SAG: variants seen among roughly 807,000 people sequenced by gnomAD.
SAG encodes the protein S-antigen visual arrestin, also known as S-arrestin.
SAG carries 45 observed loss-of-function variants against 55.0 expected under a neutral mutation model. That is an observed-to-expected ratio of 0.82 (90% CI 0.64 to 1.05). The LOEUF (loss-of-function observed/expected upper bound fraction) is 1.05. Among genes scored for constraint, SAG ranks in the 50% least tolerant of loss-of-function variants. The pLI is 0.00. For synonymous variants in SAG, 189 were observed against 197.4 expected (o/e 0.96, Z 0.36); for missense variants, 455 against 512.1 (o/e 0.89, Z 1.08).
At chr2:233,310,506 CTTTTTTTTTT>C (rs967605903) in intron 2 of SAG, among the ~76,000 whole-genome samples, 4 of 115,434 alleles carry the variant, frequency 3.5e-5, no homozygotes, top group Non-Finnish European at 6.8e-5. Flanking sequence ...ATCATTCTGG[CTTTTTTTTTT>C]TTTTTTTTTT....
chr2:233,337,657 CG>C (rs1252886416), intron 11 of SAG, among the ~76,000 whole-genome samples: 3 of 152,188 alleles, frequency 2.0e-5, no homozygotes, highest in Admixed American at 2.0e-4. Flanking sequence ...CCCGAGCTGA[CG>C]TCTTCTTCCA....
chr2:233,345,685 C>A (rs1701232377), intron 14 of SAG: 1 of 152,246 alleles, frequency 6.6e-6, no homozygotes, highest in African/African-American at 2.4e-5. Flanking sequence ...TGTGCCACTT[C>A]ACTCCAGCCT....
chr2:233,331,681 T>G lies in SAG; in HGVS notation c.775T>G (p.Tyr259Asp), dbSNP rs760598803. 16 of 1,613,832 alleles carry G rather than the reference T, an allele frequency of 9.9e-6. No homozygotes were observed. The South Asian group carries it at 1.8e-4, about 18-fold the overall frequency. ...ANVVLYSSDY[Y>D]VKPVAMEEAQ... Reference sequence around the variant, plus strand: ...TGTGGTTCTCTACTCGAGTGATTATTACGTCAAGCCCGTGGCTATGGAGGA... The same window carrying G: ...TGTGGTTCTCTACTCGAGTGATTATGACGTCAAGCCCGTGGCTATGGAGGA... The change falls in exon 10 of 16, where the codon TAC (tyrosine) becomes GAC (aspartate). Residue 259 changes from tyrosine to aspartate, a missense_variant. Physicochemically the swap from Tyr to Asp is radical, Grantham distance 160 (BLOSUM62 -3). Coordinates refer to ENST00000409110, the MANE Select transcript of SAG (RefSeq NM_000541.5).
chr2:233,323,085 G>A, intron 6 of SAG, 80 bp downstream of exon 6: 4 of 902,038 alleles, frequency 4.4e-6, no homozygotes, highest in Non-Finnish European at 7.1e-6. Context: ...TTGAAACAGG[G>A]TTTTACTCTG....
chr2:233,323,673 T>C (rs1201313162), intron 6 of SAG, among the ~76,000 whole-genome samples: 2 of 152,208 alleles, frequency 1.3e-5, no homozygotes, highest in African/African-American at 4.8e-5. Context: ...CATTAGACTT[T>C]TAAAGATAGC....
chr2:233,316,266 C>T (rs953234970), intron 3 of SAG, 131 bp downstream of exon 3: 15 of 495,634 alleles, frequency 3.0e-5, no homozygotes, highest in South Asian at 2.1e-4. Flanking sequence ...ATCAGTGAGG[C>T]GCCACTGGCT....
Position 233,346,908 on chromosome 2 carries a change from A to T in SAG, c.1214A>T (p.Glu405Val). The change falls in exon 16 of 16, where the codon GAG becomes GTG. Residue 405 changes from glutamate (E) to valine (V), a missense_variant. Glu to Val is a moderately radical substitution (Grantham distance 121, BLOSUM62 -2). Coordinates refer to ENST00000409110, the MANE Select transcript of SAG (RefSeq NM_000541.5). ...AAGAGAGACAAGAATGACGTTGATGAGTGAAGATGTCGGCTCAGGATGCCG... is the reference window on the plus strand; with the variant it reads ...AAGAGAGACAAGAATGACGTTGATGTGTGAAGATGTCGGCTCAGGATGCCG... Reference protein sequence around the residue: ...EGKRDKNDVDE With the variant: ...EGKRDKNDVDV 1 of 1,584,960 alleles carries T rather than the reference A, an allele frequency of 6.3e-7. No homozygotes were observed. Among genetic ancestry groups the T allele is most frequent in the East Asian group, 2.2e-5 (1 of 44,706 alleles).
At chr2:233,343,141 G>A (rs1286747567) in intron 14 of SAG, 3 of 135,780 alleles carry the variant, frequency 2.2e-5, no homozygotes, top group Non-Finnish European at 4.6e-5. Context: ...GGAGTGCAGT[G>A]GCACAACCTC....
In SAG at chr2:233,335,008, C is replaced by T. The variant is rs767748858; in HGVS notation, c.853C>T (p.Leu285=). Residue 285 remains leucine, a synonymous_variant, in exon 11 of 16, where the codon CTG becomes TTG. Transcript: ENST00000409110. ...CACTTTGACCAAGACGCTGACGCTGCTGCCCTTGCTGGCTAACAATCGAGA... is the reference window on the plus strand; with the variant it reads ...CACTTTGACCAAGACGCTGACGCTGTTGCCCTTGCTGGCTAACAATCGAGA... ...NSTLTKTLTL[L]PLLANNRERR... is the part of the protein sequence containing the mutation. 3 of 1,614,036 alleles carry T rather than the reference C, an allele frequency of 1.9e-6. No individual in the cohort carries two copies. The highest frequency in any genetic ancestry group is 3.3e-5 in the Admixed American group (2 of 60,034).
At chr2:233,330,118 C>G (rs963686988) in intron 9 of SAG, among the ~76,000 whole-genome samples, 2 of 152,226 alleles carry the variant, frequency 1.3e-5, no homozygotes, top group Admixed American at 1.3e-4. Flanking sequence ...GTTGTTCCCA[C>G]ACATTAACTA....
chr2:233,320,976 T>A (rs2125328620), intron 5 of SAG, among the ~76,000 whole-genome samples, 153 bp downstream of exon 5: 1 of 152,302 alleles, frequency 6.6e-6, no homozygotes, highest in East Asian at 1.9e-4. Context: ...TGGTCTGTGA[T>A]TGTCTTTTTT....
rs200078242 is a variant in SAG at position 233,309,220 on chromosome 2, G to T, written c.31G>T (p.Glu11Ter). ...AGCCAGCGGGAAGACCAGCAAGTCC[G>T]AACCGAACCATGTTATCTTCAAGAA... MAASGKTSKS[E>*]PNHVIFKKIS... Residue 11 changes from glutamate (E) to a stop codon, truncating the protein, a stop_gained, in exon 2 of 16, where the codon GAA (glutamate) becomes TAA (stop). Coordinates refer to ENST00000409110, the MANE Select transcript of SAG (RefSeq NM_000541.5). LOFTEE classifies it high-confidence loss of function. 2 of 1,613,778 alleles carry T rather than the reference G, an allele frequency of 1.2e-6. No individual in the cohort carries two copies. The highest frequency in any genetic ancestry group is 4.5e-5 in the East Asian group (2 of 44,876).
intron 11 of SAG, among the ~76,000 whole-genome samples, chr2:233,336,606 G>A (rs543425370): frequency 3.9e-5 from 6 of 152,110 alleles, no homozygotes; most frequent in African/African-American, 1.4e-4. Flanking sequence ...CATTTTATGG[G>A]TAAGGAAATT....
intron 2 of SAG, among the ~76,000 whole-genome samples, chr2:233,315,535 C>T (rs1385138951): frequency 4.6e-5 from 7 of 151,526 alleles, no homozygotes; most frequent in Admixed American, 1.3e-4. Flanking sequence ...TCAGGTGATC[C>T]GCCCGCCTCA....
At chr2:233,346,709 C>A in intron 15 of SAG, 98 bp from the exon 16 acceptor site, 1 of 890,898 alleles carries the variant, frequency 1.1e-6, no homozygotes, top group Non-Finnish European at 1.8e-6. Flanking sequence ...TGGGGAAAAC[C>A]TTGATCAGTT....
chr2:233,328,792 A>G (rs1700654760), intron 8 of SAG, 179 bp downstream of exon 8: 2 of 648,348 alleles, frequency 3.1e-6, no homozygotes, highest in Non-Finnish European at 5.0e-6. Flanking sequence ...GGAGCTGGTC[A>G]GCATGGTCCT....
intron 5 of SAG, 67 bp downstream of exon 5, chr2:233,320,890 A>T: frequency 7.4e-7 from 1 of 1,353,948 alleles, no homozygotes; most frequent in Non-Finnish European, 1.0e-6. Flanking sequence ...GATGGGGGCA[A>T]AGGAAAGGGG....
At position 233,328,598 on chromosome 2, in the gene SAG, C is replaced by G; in HGVS notation, c.633C>G (p.Val211=). The part of the protein sequence containing the change: ...FMSDKPLHLA[V]SLNKEIYFHG... Reference sequence around the variant, plus strand: ...CTGACAAGCCCCTGCACCTTGCGGTCTCTCTCAACAAAGAGGTAACCACCT... The same window carrying G: ...CTGACAAGCCCCTGCACCTTGCGGTGTCTCTCAACAAAGAGGTAACCACCT... The change falls in exon 8 of 16, where the codon GTC becomes GTG. Residue 211 remains valine, a synonymous_variant. Coordinates refer to ENST00000409110, the MANE Select transcript of SAG (RefSeq NM_000541.5). The G allele has an allele frequency of 6.2e-7, 1 of 1,612,110 alleles. No individual in the cohort carries two copies. The highest frequency in any genetic ancestry group is 8.5e-7 in the Non-Finnish European group (1 of 1,178,656).
chr2:233,311,753 C>T (rs748217407), intron 2 of SAG, among the ~76,000 whole-genome samples: 18 of 152,190 alleles, frequency 1.2e-4, no homozygotes, highest in Non-Finnish European at 2.1e-4. Flanking sequence ...TCATGGTTGG[C>T]CACCTTCTCA....
Sources: allele counts gnomAD v4.1 joint callset (sites outside exome capture counted in the v4.1 genomes callset), GRCh38; gene constraint gnomAD v4.1.1; transcripts MANE v1.5; gene names NCBI Gene and HGNC (gene_info 2026-07-23, HGNC 2026-07-21).